Variants in CTNNA3 observed in about 807,000 individuals in gnomAD.
CTNNA3 encodes catenin alpha-3.
Under a neutral mutation model 95.7 loss-of-function variants are expected in CTNNA3, and 76 were observed. That is an observed-to-expected ratio of 0.79 (90% confidence interval 0.66 to 0.96). The LOEUF (loss-of-function observed/expected upper bound fraction) is 0.96, where lower values mean the gene tolerates loss of function less well. Ranked by LOEUF, CTNNA3 falls within the 40% of genes least tolerant of loss-of-function variation. CTNNA3 has a pLI of 0.00. For missense variants in CTNNA3, 1,191 were observed against 1,089.8 expected (o/e 1.09, Z -1.31); for synonymous variants, 431 against 374.4 (o/e 1.15, Z -1.74).
At chr10:66,933,940 G>A (rs1847548838) in intron 7 of CTNNA3, among the ~76,000 whole-genome samples, 1 of 152,098 alleles carries the variant, frequency 6.6e-6, no homozygotes, top group South Asian at 2.1e-4. Flanking sequence ...CTAAAGATCA[G>A]AGAGAGGATG....
intron 12 of CTNNA3, among the ~76,000 whole-genome samples, chr10:66,289,346 T>TGGGAGACTGAGGA (rs1314872768): frequency 1.6e-5 from 1 of 63,342 alleles, no homozygotes; most frequent in Non-Finnish European, 3.3e-5. Context: ...CCCAGCACTT[T>TGGGAGACTGAGGA]GGAAACAAAC....
Position 66,011,325 on chromosome 10 carries a change from T to A in CTNNA3, c.2160-22528A>T, listed in dbSNP as rs75911782. Among the ~76,000 whole-genome samples the A allele has an allele frequency of 1.8e-3, 281 of 152,192 alleles. 1 individual carries two copies. Among genetic ancestry groups the A allele is most frequent in the African/African-American group, 6.4e-3 (265 of 41,512 alleles). ...TTCTTTTCTCACTCTTGTTTCTTTT[T>A]TATTCTTTGTCTCTTCTCTTTCTCT... On this transcript the variant is annotated intron_variant, in intron 15 of 17. Transcript: ENST00000433211.
intron 5 of CTNNA3, among the ~76,000 whole-genome samples, chr10:67,361,310 A>G (rs1292111245): frequency 1.3e-5 from 2 of 152,114 alleles, no homozygotes; most frequent in Non-Finnish European, 2.9e-5. Flanking sequence ...CCACTCATCA[A>G]CCACAGAATA....
At chr10:67,167,912 C>A (rs1036484213) in intron 7 of CTNNA3, among the ~76,000 whole-genome samples, 5 of 152,142 alleles carry the variant, frequency 3.3e-5, no homozygotes, top group African/African-American at 1.2e-4. Flanking sequence ...GCAGGTAAAT[C>A]ACCTGAGGTC....
intron 12 of CTNNA3, among the ~76,000 whole-genome samples, chr10:66,344,388 T>C (rs2092484096): frequency 6.7e-6 from 1 of 150,128 alleles, no homozygotes; most frequent in South Asian, 2.1e-4. Context: ...TGCCTCAGCC[T>C]CCTGAGTAGC....
chr10:67,030,631 A>G (rs1214484432), intron 7 of CTNNA3, among the ~76,000 whole-genome samples: 1 of 152,150 alleles, frequency 6.6e-6, no homozygotes. Context: ...TATGTAGATC[A>G]ATATATTTGT....
chr10:67,035,693 A>C (rs1270829140), intron 7 of CTNNA3, among the ~76,000 whole-genome samples: 1 of 152,172 alleles, frequency 6.6e-6, no homozygotes, highest in African/African-American at 2.4e-5. Context: ...CTTTCAATCA[A>C]ATTAGGCAAT....
chr10:66,500,598 T>C (rs1840247079), intron 11 of CTNNA3, among the ~76,000 whole-genome samples: 1 of 152,124 alleles, frequency 6.6e-6, no homozygotes, highest in Admixed American at 6.6e-5. Flanking sequence ...GTAATTTAGG[T>C]ATGAAACATA....
At chr10:66,600,499 A>G (rs1263251372) in intron 10 of CTNNA3, among the ~76,000 whole-genome samples, 1 of 151,796 alleles carries the variant, frequency 6.6e-6, no homozygotes, top group African/African-American at 2.4e-5. Flanking sequence ...TGAAAATATT[A>G]TGCCAAAATT....
chr10:66,561,920 G>A (rs182947861), intron 10 of CTNNA3, among the ~76,000 whole-genome samples: 6 of 152,046 alleles, frequency 3.9e-5, no homozygotes, highest in Admixed American at 1.3e-4. Context: ...AATATACATC[G>A]TGACGATGGT....
At chr10:66,069,645 A>G (rs2080389701) in intron 14 of CTNNA3, among the ~76,000 whole-genome samples, 156 bp from the exon 15 acceptor site, 1 of 152,180 alleles carries the variant, frequency 6.6e-6, no homozygotes, top group Admixed American at 6.6e-5. Context: ...CAGGCTTAAT[A>G]TTTCATATAA....
At chr10:67,506,911 T>C (rs1839444750) in intron 5 of CTNNA3, among the ~76,000 whole-genome samples, 1 of 152,212 alleles carries the variant, frequency 6.6e-6, no homozygotes, top group Admixed American at 6.5e-5. Context: ...TTTGGCCAAG[T>C]CACAGTGGAC....
chr10:66,496,021 C>A (rs1840087548), intron 11 of CTNNA3, among the ~76,000 whole-genome samples: 1 of 152,082 alleles, frequency 6.6e-6, no homozygotes, highest in African/African-American at 2.4e-5. Context: ...TGACAACAAT[C>A]TAAGGAAATG....
chr10:66,328,416 T>C (rs189097544), intron 12 of CTNNA3, among the ~76,000 whole-genome samples: 1 of 152,102 alleles, frequency 6.6e-6, no homozygotes, highest in African/African-American at 2.4e-5. Context: ...TGCTGAAGGG[T>C]ACCTAGCTGT....
intron 7 of CTNNA3, chr10:66,928,462 A>G: frequency 6.3e-7 from 1 of 1,578,958 alleles, no homozygotes; most frequent in South Asian, 1.2e-5. Flanking sequence ...GGTATGAACC[A>G]TTGTGATAAA....
intron 5 of CTNNA3, among the ~76,000 whole-genome samples, chr10:67,452,492 GAT>G (rs1378931035): frequency 2.6e-5 from 4 of 152,094 alleles, no homozygotes; most frequent in Non-Finnish European, 5.9e-5. Context: ...TTACTCATAA[GAT>G]ATTAAATTTC....
chr10:66,002,545 G>A (rs988875889), intron 15 of CTNNA3, among the ~76,000 whole-genome samples: 15 of 152,216 alleles, frequency 9.9e-5, no homozygotes, highest in African/African-American at 3.6e-4. Context: ...TGTCTTAGTA[G>A]CTTAACACAA....
chr10:66,064,943 C>T (rs761269234), intron 15 of CTNNA3, among the ~76,000 whole-genome samples: 1 of 152,040 alleles, frequency 6.6e-6, no homozygotes, highest in Non-Finnish European at 1.5e-5. Flanking sequence ...TATACACATG[C>T]TGTTATAAAT....
chr10:66,889,277 T>C (rs966322079), intron 7 of CTNNA3, among the ~76,000 whole-genome samples: 8 of 152,190 alleles, frequency 5.3e-5, no homozygotes, highest in Non-Finnish European at 1.0e-4. Flanking sequence ...GTAACACTAC[T>C]CGGTATGATA....
Sources: allele counts gnomAD v4.1 joint callset (sites outside exome capture counted in the v4.1 genomes callset), GRCh38; gene constraint gnomAD v4.1.1; transcripts MANE v1.5; gene names NCBI Gene and HGNC (gene_info 2026-07-23, HGNC 2026-07-21).